Variants in MYO1D observed in about 807,000 individuals in gnomAD.
MYO1D encodes unconventional myosin-Id.
Under a neutral mutation model 122.0 loss-of-function variants are expected in MYO1D, and 83 were observed. The ratio of observed to expected loss-of-function variants is 0.68; its 90% CI spans 0.57 to 0.82. MYO1D has a LOEUF of 0.82. Among genes scored for constraint, MYO1D ranks in the 40% least tolerant of loss-of-function variants. MYO1D has a pLI of 0.00. For synonymous variants in MYO1D, 464 were observed against 446.9 expected, an observed-to-expected ratio of 1.04 and a Z score of -0.48; for missense variants, 1,157 against 1,269.5, an observed-to-expected ratio of 0.91 and a Z score of 1.35.
intron 1 of MYO1D, among the ~76,000 whole-genome samples, chr17:32,867,911 T>C (rs1429192207): frequency 6.7e-6 from 1 of 148,418 alleles, no homozygotes; most frequent in Admixed American, 6.6e-5. Flanking sequence ...GGTTATAGAT[T>C]TAAAAAAAAA....
intron 2 of MYO1D, among the ~76,000 whole-genome samples, chr17:32,779,795 T>C (rs868455271): frequency 1.3e-5 from 2 of 152,176 alleles, no homozygotes; most frequent in African/African-American, 2.4e-5. Context: ...AATATTCTTA[T>C]CTATAAAGTA....
chr17:32,675,793 T>A (rs2088799526), intron 16 of MYO1D, among the ~76,000 whole-genome samples: 1 of 152,146 alleles, frequency 6.6e-6, no homozygotes. Flanking sequence ...CTGTTTATGG[T>A]ATACTGCCAT....
At chr17:32,573,977 T>G (rs1253305408) in intron 21 of MYO1D, among the ~76,000 whole-genome samples, 1 of 152,134 alleles carries the variant, frequency 6.6e-6, no homozygotes, top group African/African-American at 2.4e-5. Context: ...CTCAGCCTCC[T>G]GCGTAGCTGG....
At chr17:32,536,818 A>C (rs1181035828) in intron 21 of MYO1D, among the ~76,000 whole-genome samples, 2 of 152,188 alleles carry the variant, frequency 1.3e-5, no homozygotes, top group African/African-American at 2.4e-5. Flanking sequence ...GATTCCTTTT[A>C]AGCTTTATTA....
chr17:32,544,849 A>G (rs2086952496), intron 21 of MYO1D, among the ~76,000 whole-genome samples: 1 of 152,214 alleles, frequency 6.6e-6, no homozygotes. Flanking sequence ...ATGCTTTTCT[A>G]AGCATAATAT....
At chr17:32,825,850 C>A (rs1355265364) in intron 1 of MYO1D, among the ~76,000 whole-genome samples, 1 of 151,888 alleles carries the variant, frequency 6.6e-6, no homozygotes, top group Non-Finnish European at 1.5e-5. Context: ...CCAGCCCAGG[C>A]AATATAGCAA....
chr17:32,621,265 C>G (rs1052625888), intron 20 of MYO1D, among the ~76,000 whole-genome samples: 1 of 152,020 alleles, frequency 6.6e-6, no homozygotes, highest in African/African-American at 2.4e-5. Context: ...TACGTATGAG[C>G]CTCCTCAAAC....
chr17:32,637,801 G>T (rs997970869), intron 20 of MYO1D, among the ~76,000 whole-genome samples: 2 of 152,114 alleles, frequency 1.3e-5, no homozygotes, highest in Non-Finnish European at 2.9e-5. Context: ...AGTGAAGACG[G>T]ATCTCCACCC....
intron 16 of MYO1D, among the ~76,000 whole-genome samples, chr17:32,697,937 C>CTG (rs1053178832): frequency 1.4e-4 from 22 of 152,324 alleles, no homozygotes; most frequent in Non-Finnish European, 1.5e-5. Flanking sequence ...TGAGTCATAG[C>CTG]TGTTTCTTGA....
At chr17:32,701,763 C>T (rs1002577050) in intron 16 of MYO1D, among the ~76,000 whole-genome samples, 3 of 152,058 alleles carry the variant, frequency 2.0e-5, no homozygotes, top group East Asian at 1.9e-4. Flanking sequence ...GATGGGGTTT[C>T]GCTGTGTTGC....
intron 21 of MYO1D, among the ~76,000 whole-genome samples, chr17:32,582,969 A>G (rs1471651803): frequency 6.6e-6 from 1 of 152,188 alleles, no homozygotes; most frequent in Admixed American, 6.5e-5. Flanking sequence ...TTGTGTAGCT[A>G]ATATTTCTAG....
rs574371901 is a variant in MYO1D, at chr17:32,641,207, T to C, written c.2596-2372A>G. On this transcript the variant is annotated intron_variant, in intron 19 of 21. Transcript: ENST00000318217. ...GGTGTTTGCTTTTTTGTCCTTGCGA[T>C]AGTTTGCTGAGAATGATGGTTTCCA... 2.6e-5 allele frequency among the ~76,000 whole-genome samples: 4 copies of C among 150,944 alleles called. No homozygotes were observed. The South Asian group carries it at 8.4e-4, about 32-fold the overall frequency.
intron 1 of MYO1D, among the ~76,000 whole-genome samples, chr17:32,812,279 T>A (rs2090578780): frequency 6.6e-6 from 1 of 152,226 alleles, no homozygotes; most frequent in South Asian, 2.1e-4. Context: ...AGTCATCAGG[T>A]ATGATTATGA....
At chr17:32,689,188 A>G (rs1424509104) in intron 16 of MYO1D, among the ~76,000 whole-genome samples, 1 of 152,154 alleles carries the variant, frequency 6.6e-6, no homozygotes, top group Non-Finnish European at 1.5e-5. Context: ...TAATCGATTT[A>G]AAGTACAATA....
At chr17:32,700,861 T>C (rs2089238808) in intron 16 of MYO1D, among the ~76,000 whole-genome samples, 1 of 151,398 alleles carries the variant, frequency 6.6e-6, no homozygotes, top group Non-Finnish European at 1.5e-5. Context: ...GGAGAATCGC[T>C]TGAACCCAGG....
At chr17:32,850,798 A>G (rs185405876) in intron 1 of MYO1D, among the ~76,000 whole-genome samples, 3 of 152,318 alleles carry the variant, frequency 2.0e-5, no homozygotes, top group Admixed American at 2.0e-4. Flanking sequence ...ATGGAGTCTT[A>G]TCAAGGCTTG....
At chr17:32,511,068 G>A (rs1231251935) in intron 21 of MYO1D, among the ~76,000 whole-genome samples, 1 of 152,040 alleles carries the variant, frequency 6.6e-6, no homozygotes, top group African/African-American at 2.4e-5. Flanking sequence ...TCAGTGGGAC[G>A]CCTGGGCCAG....
At chr17:32,606,938 T>C (rs2087635300) in intron 20 of MYO1D, among the ~76,000 whole-genome samples, 1 of 152,166 alleles carries the variant, frequency 6.6e-6, no homozygotes, top group South Asian at 2.1e-4. Context: ...GGTGGGTGGA[T>C]CACTTGAGGT....
At chr17:32,745,572 C>A in intron 12 of MYO1D, 1 of 280,348 alleles carries the variant, frequency 3.6e-6, no homozygotes, top group Non-Finnish European at 6.7e-6. Flanking sequence ...TCCAGCATTC[C>A]TAAGATAAAA....
Sources: allele counts gnomAD v4.1 joint callset (sites outside exome capture counted in the v4.1 genomes callset), GRCh38; gene constraint gnomAD v4.1.1; transcripts MANE v1.5; gene names NCBI Gene and HGNC (gene_info 2026-07-23, HGNC 2026-07-21).